Variants in KCNN3 observed in about 807,000 individuals in gnomAD.
KCNN3 encodes small conductance calcium-activated potassium channel protein 3.
In KCNN3, 16 loss-of-function variants were observed where a neutral mutation model predicts 62.9. The ratio of observed to expected loss-of-function variants is 0.25; its 90% CI spans 0.17 to 0.39. The LOEUF is 0.39. Among genes scored for constraint, KCNN3 ranks in the 10% least tolerant of loss-of-function variants. The probability of loss-of-function intolerance (pLI) is 1.00; values close to 1 mark genes in which losing one functional copy is unlikely to be tolerated. For missense variants in KCNN3, 599 were observed against 949.4 expected (o/e 0.63, Z 4.85); for synonymous variants, 370 against 389.2 (o/e 0.95, Z 0.58).
chr1:154,798,686 C>A (rs1649834819), intron 2 of KCNN3, among the ~76,000 whole-genome samples: 1 of 152,024 alleles, frequency 6.6e-6, no homozygotes, highest in Admixed American at 6.6e-5. Context: ...TGGTTTTGTC[C>A]CCACAAAAAC....
chr1:154,856,707 T>C (rs1398618357), intron 1 of KCNN3, among the ~76,000 whole-genome samples: 1 of 152,080 alleles, frequency 6.6e-6, no homozygotes, highest in Admixed American at 6.6e-5. Context: ...CAGGTTAGGA[T>C]TCACCCCCAT....
chr1:154,831,143 AAGGC>A (rs1651364340), intron 1 of KCNN3, among the ~76,000 whole-genome samples: 1 of 152,222 alleles, frequency 6.6e-6, no homozygotes, highest in Non-Finnish European at 1.5e-5. Context: ...GGCCTTTTTA[AAGGC>A]AGTTTGGTCC....
rs1423950573 is a variant in KCNN3 at position 154,703,857 on chromosome 1, T to C, written c.*4119A>G. ...GCTGTTGATGACAAAGGTGATTTCA[T>C]TTGTTCTCTATTGAAAACATTGTAC... On this transcript the variant is annotated 3_prime_UTR_variant, in exon 8 of 8. Transcript: ENST00000271915. The C allele has an allele frequency of 6.6e-6, 1 of 152,242 alleles. No individual in the cohort carries two copies. The highest frequency in any genetic ancestry group is 1.5e-5 in the Non-Finnish European group (1 of 68,036). 9.4% of individuals were successfully genotyped at this position (152,242 alleles called of 1,614,324 possible).
intron 2 of KCNN3, among the ~76,000 whole-genome samples, chr1:154,802,173 GA>G (rs1291619338): frequency 6.6e-6 from 1 of 152,200 alleles, no homozygotes; most frequent in Non-Finnish European, 1.5e-5. Context: ...ATTAGATGAA[GA>G]AACTGAGGCA....
intron 7 of KCNN3, among the ~76,000 whole-genome samples, chr1:154,711,794 C>G (rs531201727): frequency 6.6e-6 from 1 of 152,260 alleles, no homozygotes; most frequent in African/African-American, 2.4e-5. Flanking sequence ...TAGTAGGGGG[C>G]CAATTAGTCT....
intron 3 of KCNN3, among the ~76,000 whole-genome samples, chr1:154,755,574 GAGAA>G (rs1199636712): frequency 1.5e-4 from 12 of 80,530 alleles, no homozygotes; most frequent in East Asian, 1.0e-3. Context: ...AAGAGAGAGA[GAGAA>G]AGAAAGAAAG....
At chr1:154,845,687 A>AAC (rs1401100670) in intron 1 of KCNN3, among the ~76,000 whole-genome samples, 66 of 151,994 alleles carry the variant, frequency 4.3e-4, no homozygotes, top group Middle Eastern at 6.8e-3. Context: ...CACCCCCGCA[A>AAC]ACACACACAC....
chr1:154,826,597 T>C lies in KCNN3; in HGVS notation c.934-4413A>G, dbSNP rs188960385. Among the ~76,000 whole-genome samples the C allele has an allele frequency of 2.9e-3, 439 of 151,884 alleles. 5 individuals are homozygous for C. The highest frequency in any genetic ancestry group is 0.01 in the African/African-American group (414 of 41,286). Reference sequence around the variant, plus strand: ...CCCACCTGCTCTGGCGGCCACGCCTTGCTGGCCCTCCAATATCTGCAGCGA... The same window carrying C: ...CCCACCTGCTCTGGCGGCCACGCCTCGCTGGCCCTCCAATATCTGCAGCGA... On this transcript the variant is annotated intron_variant, in intron 1 of 7. Coordinates refer to ENST00000271915, the MANE Select transcript of KCNN3 (RefSeq NM_002249.6).
chr1:154,740,952 T>C (rs1700811769), intron 3 of KCNN3, among the ~76,000 whole-genome samples: 2 of 152,252 alleles, frequency 1.3e-5, no homozygotes, highest in African/African-American at 4.8e-5. Flanking sequence ...CTCTACAGTA[T>C]TTTTGATGAA....
chr1:154,803,408 C>T (rs746606481), intron 2 of KCNN3, among the ~76,000 whole-genome samples: 33 of 152,328 alleles, frequency 2.2e-4, no homozygotes, highest in Admixed American at 5.9e-4. Context: ...TCAGCAGTGA[C>T]ACCTGTCATT....
At chr1:154,801,837 G>A (rs1357434479) in intron 2 of KCNN3, among the ~76,000 whole-genome samples, 1 of 152,196 alleles carries the variant, frequency 6.6e-6, no homozygotes, top group African/African-American at 2.4e-5. Flanking sequence ...GGCCTCCGGG[G>A]CTCTGTTTGC....
At chr1:154,766,628 T>C (rs4845391) in intron 3 of KCNN3, among the ~76,000 whole-genome samples, 54,652 of 147,260 alleles carry the variant, frequency 0.37, 10,824 homozygotes, top group East Asian at 0.64. Flanking sequence ...ATCAACCCCA[T>C]GTAGGGTGCT....
chr1:154,748,738 A>G (rs1700992271), intron 3 of KCNN3, among the ~76,000 whole-genome samples: 1 of 152,228 alleles, frequency 6.6e-6, no homozygotes, highest in African/African-American at 2.4e-5. Context: ...AGACAGAAGG[A>G]TCCCTTGAGC....
At chr1:154,833,960 T>C (rs1297540834) in intron 1 of KCNN3, among the ~76,000 whole-genome samples, 1 of 152,234 alleles carries the variant, frequency 6.6e-6, no homozygotes, top group Non-Finnish European at 1.5e-5. Flanking sequence ...CATGGAACTA[T>C]TGGCATCTCA....
At chr1:154,816,957 A>T (rs1231583156) in intron 2 of KCNN3, among the ~76,000 whole-genome samples, 1 of 152,130 alleles carries the variant, frequency 6.6e-6, no homozygotes, top group Non-Finnish European at 1.5e-5. Flanking sequence ...TCCTTGAGAC[A>T]TTCCCAGTGT....
intron 1 of KCNN3, among the ~76,000 whole-genome samples, chr1:154,834,674 T>G (rs1651513662): frequency 6.6e-6 from 1 of 152,212 alleles, no homozygotes. Flanking sequence ...GCTCTGAGTC[T>G]ACCCATCCAT....
At chr1:154,836,130 A>G (rs1419169394) in intron 1 of KCNN3, among the ~76,000 whole-genome samples, 3 of 152,232 alleles carry the variant, frequency 2.0e-5, no homozygotes, top group Non-Finnish European at 4.4e-5. Flanking sequence ...AAGAAACTCC[A>G]AGAAGAATGT....
At chr1:154,746,644 C>A (rs1003709553) in intron 3 of KCNN3, among the ~76,000 whole-genome samples, 2 of 152,104 alleles carry the variant, frequency 1.3e-5, no homozygotes, top group Non-Finnish European at 2.9e-5. Flanking sequence ...TCTCATCTCT[C>A]CTCTCTTGTT....
At chr1:154,724,249 G>A (rs567663453) in intron 5 of KCNN3, among the ~76,000 whole-genome samples, 2 of 152,254 alleles carry the variant, frequency 1.3e-5, no homozygotes, top group South Asian at 2.1e-4. Context: ...GAGCTCGCTC[G>A]CAGCTCCCTC....
Sources: allele counts gnomAD v4.1 joint callset (sites outside exome capture counted in the v4.1 genomes callset), GRCh38; gene constraint gnomAD v4.1.1; transcripts MANE v1.5; gene names NCBI Gene and HGNC (gene_info 2026-07-23, HGNC 2026-07-21).